The following CHST15 variants were observed in gnomAD, a reference collection of about 807,000 sequenced individuals.
CHST15 encodes carbohydrate sulfotransferase 15.
In CHST15, 30 loss-of-function variants were observed where a neutral mutation model predicts 53.6. That is an observed-to-expected ratio of 0.56 (90% CI 0.42 to 0.76). The LOEUF (loss-of-function observed/expected upper bound fraction) is 0.76. Ranked by LOEUF, CHST15 falls within the 30% of genes least tolerant of loss-of-function variation. The probability of loss-of-function intolerance (pLI) is 0.00; values close to 1 mark genes in which losing one functional copy is unlikely to be tolerated. For missense variants in CHST15, 627 were observed against 740.5 expected (o/e 0.85, Z 1.78); for synonymous variants, 296 against 289.8 (o/e 1.02, Z -0.22).
intron 1 of CHST15, among the ~76,000 whole-genome samples, chr10:124,089,724 T>C (rs1949546849): frequency 6.6e-6 from 1 of 152,102 alleles, no homozygotes; most frequent in African/African-American, 2.4e-5. Context: ...CCCTGACCCC[T>C]GCTCCCAAGC....
intron 1 of CHST15, among the ~76,000 whole-genome samples, chr10:124,048,753 T>A (rs1385699276): frequency 6.6e-6 from 1 of 152,204 alleles, no homozygotes. Flanking sequence ...GTCTTTCTGC[T>A]GCAGAAAATC....
In CHST15 at chr10:124,007,827, AC is replaced by A; in HGVS notation, c.*2321del. 2 of 1,232,160 alleles carry A rather than the reference AC, an allele frequency of 1.6e-6. No homozygotes were observed. The highest frequency in any genetic ancestry group is 2.0e-6 in the Non-Finnish European group (2 of 987,960). The allele number at this position is 1,232,160 out of a possible 1,614,324, so 76.3% of individuals were successfully genotyped here. A position where few individuals can be genotyped will look rare whatever the true frequency, so the allele number is the denominator to read the frequency against. ...TTTAACACGGTCACAACTTTTGAGA[AC>A]AAAAAGGAACTTCAATACCATGTTG... On this transcript the variant is annotated 3_prime_UTR_variant, in exon 8 of 8. Transcript: ENST00000435907.
At position 124,008,964 on chromosome 10, in the gene CHST15, T is replaced by G; in HGVS notation, c.*1185A>C. On this transcript the variant is annotated 3_prime_UTR_variant, in exon 8 of 8. Coordinates refer to ENST00000435907, the MANE Select transcript of CHST15 (RefSeq NM_001270764.2). The stretch of plus-strand genomic sequence containing the variant: ...ATGAAGAACACGGCTCTTAGAAACC[T>G]CATTCCAAATCTCAACACGCCACGT... The G allele has an allele frequency of 5.4e-6, 7 of 1,289,188 alleles. No homozygotes were observed. The highest frequency in any genetic ancestry group is 7.1e-6 in the Non-Finnish European group (7 of 988,694). 79.9% of individuals were successfully genotyped at this position (1,289,188 alleles called of 1,614,324 possible). A position where few individuals can be genotyped will look rare whatever the true frequency, so the allele number is the denominator to read the frequency against.
chr10:124,015,400 G>T (rs1007380919), intron 6 of CHST15, among the ~76,000 whole-genome samples: 6 of 152,044 alleles, frequency 3.9e-5, no homozygotes, highest in African/African-American at 7.3e-5. Flanking sequence ...GGCAGGGCGG[G>T]GGGGGCTACT....
chr10:124,050,963 A>G (rs1388838193), intron 1 of CHST15, among the ~76,000 whole-genome samples: 3 of 152,030 alleles, frequency 2.0e-5, no homozygotes, highest in East Asian at 1.9e-4. Context: ...TTTTGTTTTG[A>G]GATGGAATCT....
At chr10:124,082,515 G>A (rs1590368560) in intron 1 of CHST15, among the ~76,000 whole-genome samples, 1 of 151,826 alleles carries the variant, frequency 6.6e-6, no homozygotes, top group Non-Finnish European at 1.5e-5. Context: ...AAAGAGTGTT[G>A]TTTAAAAAAT....
Position 124,020,390 on chromosome 10 carries a change from G to A in CHST15, c.1347+866C>T. On this transcript the variant is annotated intron_variant, in intron 6 of 7. Coordinates refer to ENST00000435907, the MANE Select transcript of CHST15 (RefSeq NM_001270764.2). ...CTCTGGGGTTACCTGTGTCCCTGTG[G>A]CATCTTCCTTGCCAAACTACAAAGT... The A allele has an allele frequency of 3.0e-6, 3 of 985,460 alleles. No individual in the cohort carries two copies. The South Asian group carries it at 1.4e-4, about 46-fold the overall frequency. 61.0% of individuals were successfully genotyped at this position (985,460 alleles called of 1,614,324 possible).
At chr10:124,069,654 T>C (rs771249377) in intron 1 of CHST15, among the ~76,000 whole-genome samples, 8 of 152,164 alleles carry the variant, frequency 5.3e-5, no homozygotes, top group Non-Finnish European at 1.2e-4. Context: ...TCACTGACTT[T>C]AAACAGGTGA....
At chr10:124,017,377 G>A (rs765004544) in intron 6 of CHST15, among the ~76,000 whole-genome samples, 3 of 152,058 alleles carry the variant, frequency 2.0e-5, no homozygotes, top group Admixed American at 6.5e-5. Context: ...CACATTAGCC[G>A]GATACCTTGC....
chr10:124,012,786 T>G (rs886694365), intron 6 of CHST15, among the ~76,000 whole-genome samples: 38 of 152,146 alleles, frequency 2.5e-4, no homozygotes, highest in African/African-American at 8.9e-4. Context: ...TGGCCACCAA[T>G]GGTGTACATG....
rs112698166 is a variant in CHST15, at chr10:124,030,192, G to A, written c.1190+8323C>T. 2.8e-3 allele frequency among the ~76,000 whole-genome samples: 426 copies of A among 152,240 alleles called. 2 individuals carry two copies. The highest frequency in any genetic ancestry group is 9.8e-3 in the African/African-American group (407 of 41,550). Reference sequence around the variant, plus strand: ...TCAGAGAACCCCTTCACAAAGACCCGAGCTGTCCTTCTGGCCTGGGCGCTG... The same window carrying A: ...TCAGAGAACCCCTTCACAAAGACCCAAGCTGTCCTTCTGGCCTGGGCGCTG... On this transcript the variant is annotated intron_variant, in intron 5 of 7. Transcript: ENST00000435907.
At chr10:124,012,585 C>A (rs1946450876) in intron 6 of CHST15, 105 bp from the exon 7 acceptor site, 2 of 1,282,132 alleles carry the variant, frequency 1.6e-6, no homozygotes, top group Non-Finnish European at 2.1e-6. Flanking sequence ...AAAGAGTTAT[C>A]CTAGCAAAGT....
In CHST15 at chr10:124,012,451, C is replaced by T. The variant is rs1946443778; in HGVS notation, c.1377G>A (p.Val459=). Residue 459 remains valine (V), a synonymous_variant, in exon 7 of 8, where the codon GTG becomes GTA. Transcript: ENST00000435907. The stretch of plus-strand genomic sequence containing the variant: ...AAACGCTGAGCCAGTCCAGAAGGTA[C>T]ACAGCATAGAGCCCAACCTGGAGCC... ...PVRLQVGLYA[V]YLLDWLSVFD... 2 of 1,614,022 alleles carry T rather than the reference C, an allele frequency of 1.2e-6. No individual in the cohort carries two copies. Among genetic ancestry groups the T allele is most frequent in the Non-Finnish European group, 8.5e-7 (1 of 1,180,030 alleles).
chr10:124,069,370 C>G (rs1469715786), intron 1 of CHST15, among the ~76,000 whole-genome samples: 1 of 81,920 alleles, frequency 1.2e-5, no homozygotes, highest in Non-Finnish European at 3.1e-5. Flanking sequence ...TTGGGGGACC[C>G]CCCCCCCAAC....
intron 6 of CHST15, among the ~76,000 whole-genome samples, chr10:124,015,192 G>A (rs2133832387): frequency 6.6e-6 from 1 of 152,236 alleles, no homozygotes; most frequent in South Asian, 2.1e-4. Flanking sequence ...ATGAAGACAG[G>A]ACAAAGACAG....
chr10:124,027,482 G>T (rs1033973560), intron 5 of CHST15, among the ~76,000 whole-genome samples: 1 of 152,202 alleles, frequency 6.6e-6, no homozygotes, highest in African/African-American at 2.4e-5. Context: ...CACTTACAGC[G>T]TGCTGTTCTG....
chr10:124,060,676 A>C (rs955496975), intron 1 of CHST15, among the ~76,000 whole-genome samples: 1 of 152,216 alleles, frequency 6.6e-6, no homozygotes, highest in Non-Finnish European at 1.5e-5. Context: ...GAGCTGTATG[A>C]AGCTGTAAGA....
intron 5 of CHST15, among the ~76,000 whole-genome samples, chr10:124,035,763 T>G (rs541747493): frequency 7.2e-5 from 11 of 152,182 alleles, no homozygotes; most frequent in Non-Finnish European, 1.6e-4. Flanking sequence ...CACAGCAAAC[T>G]CTTATTCATC....
At chr10:124,062,765 C>T (rs1948623051) in intron 1 of CHST15, among the ~76,000 whole-genome samples, 1 of 152,074 alleles carries the variant, frequency 6.6e-6, no homozygotes, top group African/African-American at 2.4e-5. Context: ...TGAAGGGAGC[C>T]CGAGGCTCTG....
Sources: allele counts gnomAD v4.1 joint callset (sites outside exome capture counted in the v4.1 genomes callset), GRCh38; gene constraint gnomAD v4.1.1; transcripts MANE v1.5; gene names NCBI Gene and HGNC (gene_info 2026-07-23, HGNC 2026-07-21).